The following LRRK2 variants were observed in gnomAD, a reference collection of about 807,000 sequenced individuals.
LRRK2 encodes the protein leucine-rich repeat serine/threonine-protein kinase 2.
A neutral mutation model predicts 302.6 loss-of-function variants in LRRK2; 203 were observed. The observed-to-expected ratio is 0.67, with a 90% confidence interval of 0.60 to 0.75. The LOEUF is 0.75. Among genes scored for constraint, LRRK2 ranks in the 30% least tolerant of loss-of-function variants. LRRK2 has a pLI of 0.00. For synonymous variants in LRRK2, 1,066 were observed against 1,031.9 expected (o/e 1.03, Z -0.63); for missense variants, 2,830 against 2,951.0 (o/e 0.96, Z 0.95).
intron 20 of LRRK2, among the ~76,000 whole-genome samples, chr12:40,290,595 T>C (rs1944106207): frequency 6.6e-6 from 1 of 152,066 alleles, no homozygotes; most frequent in East Asian, 1.9e-4. Flanking sequence ...TTTAATTTTC[T>C]TTTACTTCTT....
In LRRK2 at chr12:40,263,800, G is replaced by A; in HGVS notation, c.1555G>A (p.Glu519Lys). The A allele has an allele frequency of 1.2e-6, 2 of 1,611,520 alleles. No individual in the cohort carries two copies. The highest frequency in any genetic ancestry group is 1.7e-6 in the Non-Finnish European group (2 of 1,178,016). ...ATCTGTGCATTTAGGCATGCCAGAAGAATCCAGGGAGGATACAGAATTTCA... is the reference window on the plus strand; with the variant it reads ...ATCTGTGCATTTAGGCATGCCAGAAAAATCCAGGGAGGATACAGAATTTCA... ...LHFIVPGMPE[E>K]SREDTEFHHK... is the part of the protein sequence containing the mutation. The change falls in exon 14 of 51, where the codon GAA becomes AAA. Residue 519 changes from glutamate (E) to lysine (K), a missense_variant. Transcript: ENST00000298910.
In LRRK2 at chr12:40,283,908, G is replaced by T. The variant is rs1217365432; in HGVS notation, c.2275G>T (p.Glu759Ter). 3 of 1,613,238 alleles carry T rather than the reference G, an allele frequency of 1.9e-6. No individual in the cohort carries two copies. ...CEKESSPKLV[E>*]LLLNSGSREQ... is the part of the protein sequence containing the mutation. ...GAAAGAGAGCAGTCCCAAATTGGTG[G>T]AACTCTTACTGAATAGTGGATCTCG... The change falls in exon 19 of 51, where the codon GAA (glutamate) becomes TAA (stop). Residue 759 changes from glutamate to a stop codon, truncating the protein, a stop_gained. Coordinates refer to ENST00000298910, the MANE Select transcript of LRRK2 (RefSeq NM_198578.4). LOFTEE classifies it high-confidence loss of function.
rs201459392 is a variant in LRRK2 at position 40,322,510 on chromosome 12, G to A, written c.5509G>A (p.Gly1837Arg). 2 of 1,612,126 alleles carry A rather than the reference G, an allele frequency of 1.2e-6. No homozygotes were observed. The highest frequency in any genetic ancestry group is 1.7e-6 in the Non-Finnish European group (2 of 1,178,686). ...TGACTTGATGAAGAAAGCAGAGGAA[G>A]GTATGTTTTGATACAACTTACAAAT... ...LDDLMKKAEE[G>R]DLLVNPDQPR... Residue 1837 changes from glycine to arginine, a missense_variant and splice_region_variant, in exon 37 of 51, where the codon GGA becomes AGA. Gly to Arg is a moderately radical substitution (Grantham distance 125). Transcript: ENST00000298910.
intron 14 of LRRK2, among the ~76,000 whole-genome samples, chr12:40,273,219 G>T (rs1943310216): frequency 6.6e-6 from 1 of 152,132 alleles, no homozygotes; most frequent in Non-Finnish European, 1.5e-5. Context: ...AGCAGTCATT[G>T]TCTAACTGAG....
At chr12:40,316,281 A>G in intron 33 of LRRK2, 1 of 982,664 alleles carries the variant, frequency 1.0e-6, no homozygotes, top group Non-Finnish European at 1.2e-6. Context: ...ATCTAAGGAA[A>G]AAAAGGAAGC....
At chr12:40,264,632 A>G (rs991148075) in intron 14 of LRRK2, among the ~76,000 whole-genome samples, 1 of 152,194 alleles carries the variant, frequency 6.6e-6, no homozygotes, top group African/African-American at 2.4e-5. Context: ...AACAAAAACA[A>G]AAACAGACAA....
At chr12:40,290,686 T>G (rs1447305177) in intron 20 of LRRK2, among the ~76,000 whole-genome samples, 2 of 152,116 alleles carry the variant, frequency 1.3e-5, no homozygotes, top group African/African-American at 4.8e-5. Context: ...TTAATGTTAC[T>G]TATAGCAATT....
chr12:40,343,402 A>T (rs2136964180), intron 41 of LRRK2, among the ~76,000 whole-genome samples: 1 of 152,352 alleles, frequency 6.6e-6, no homozygotes, highest in African/African-American at 2.4e-5. Flanking sequence ...ACACACCCAT[A>T]TAAATACTAT....
chr12:40,293,767 C>T, intron 21 of LRRK2, 104 bp downstream of exon 21: 1 of 761,698 alleles, frequency 1.3e-6, no homozygotes, highest in South Asian at 1.4e-5. Context: ...AGGGATTTCC[C>T]TGATGTATGA....
At position 40,332,612 on chromosome 12, in the gene LRRK2, A is replaced by T. The variant is rs571831984; in HGVS notation, c.5758-2355A>T. Among the ~76,000 whole-genome samples, 7 of 152,314 alleles carry T rather than the reference A, an allele frequency of 4.6e-5. No homozygotes were observed. The South Asian group carries it at 1.4e-3, about 32-fold the overall frequency. On this transcript the variant is annotated intron_variant, in intron 39 of 50. Coordinates refer to ENST00000298910, the MANE Select transcript of LRRK2 (RefSeq NM_198578.4). ...TATTTTAAGTACTCTGAGTAATAGA[A>T]GATTTCATGTGAGTACAAAATATCC...
chr12:40,354,843 A>ATATAT (rs1555195285), intron 45 of LRRK2, among the ~76,000 whole-genome samples: 11 of 24,982 alleles, frequency 4.4e-4, no homozygotes, highest in South Asian at 1.6e-3. Context: ...AAAAAAAAAA[A>ATATAT]ATATATATAT....
chr12:40,318,896 A>G (rs1405823377), intron 33 of LRRK2, among the ~76,000 whole-genome samples: 2 of 152,106 alleles, frequency 1.3e-5, no homozygotes, highest in African/African-American at 4.8e-5. Context: ...CCCATTGCAC[A>G]CTGTCATTAA....
At chr12:40,313,915 T>G (rs1008618059) in intron 31 of LRRK2, 57 bp from the exon 32 acceptor site, 22 of 1,485,478 alleles carry the variant, frequency 1.5e-5, no homozygotes, top group Admixed American at 3.4e-5. Context: ...TTGCCAACCA[T>G]TTGACAAATA....
intron 3 of LRRK2, chr12:40,232,702 A>G: frequency 4.9e-6 from 1 of 204,646 alleles, no homozygotes; most frequent in Non-Finnish European, 9.9e-6. Flanking sequence ...TTTGGCTTTT[A>G]ATAATAGAAT....
chr12:40,248,396 CAT>C (rs1942103615), intron 7 of LRRK2, among the ~76,000 whole-genome samples: 1 of 152,104 alleles, frequency 6.6e-6, no homozygotes. Flanking sequence ...ACTGTCATGT[CAT>C]ATGTAACTTT....
intron 14 of LRRK2, among the ~76,000 whole-genome samples, chr12:40,266,941 A>T (rs1943042999): frequency 7.0e-6 from 1 of 142,950 alleles, no homozygotes; most frequent in Admixed American, 7.3e-5. Flanking sequence ...GAACAATGAG[A>T]ACACATGGAC....
intron 14 of LRRK2, among the ~76,000 whole-genome samples, chr12:40,269,753 G>A (rs1943159373): frequency 6.6e-6 from 1 of 152,220 alleles, no homozygotes; most frequent in East Asian, 1.9e-4. Flanking sequence ...AATTTTCTAT[G>A]TGTACGAATG....
At chr12:40,282,814 C>T (rs193152116) in intron 18 of LRRK2, among the ~76,000 whole-genome samples, 1 of 152,144 alleles carries the variant, frequency 6.6e-6, no homozygotes, top group Admixed American at 6.5e-5. Flanking sequence ...AAAAATTGTC[C>T]CCAACATCTT....
At position 40,298,454 on chromosome 12, in the gene LRRK2, C is replaced by T; in HGVS notation, c.3308C>T (p.Thr1103Ile). 6.2e-7 allele frequency: 1 copy of T among 1,613,802 alleles called. No homozygotes were observed. The highest frequency in any genetic ancestry group is 1.1e-5 in the South Asian group (1 of 91,074). ...CTGTCTTTTGTACCTGAGAACCTCA[C>T]TGATGTGGTAGAGAAACTGGAGCAG... Reference protein sequence around the residue: ...NQLSFVPENLTDVVEKLEQLI... With the variant: ...NQLSFVPENLIDVVEKLEQLI... Residue 1103 changes from threonine (T) to isoleucine (I), a missense_variant, in exon 24 of 51, where the codon ACT becomes ATT. Transcript: ENST00000298910.
Sources: gnomAD v4.1 joint callset for allele counts (sites outside exome capture counted in the v4.1 genomes callset) on GRCh38, gnomAD v4.1.1 for gene constraint, MANE v1.5 for transcripts, NCBI Gene and HGNC (gene_info 2026-07-23, HGNC 2026-07-21) for gene names.